BMP6: variants seen among roughly 807,000 people sequenced by gnomAD.
BMP6 encodes the protein VG-1-R.
Under a neutral mutation model 54.1 loss-of-function variants are expected in BMP6, and 17 were observed. That is an observed-to-expected ratio of 0.31 (90% CI 0.22 to 0.47). The LOEUF is 0.47. Ranked by LOEUF, BMP6 falls within the 20% of genes least tolerant of loss-of-function variation. The pLI is 1.00. For synonymous variants in BMP6, 328 were observed against 291.2 expected, an observed-to-expected ratio of 1.13 and a Z score of -1.28; for missense variants, 720 against 690.4, an observed-to-expected ratio of 1.04 and a Z score of -0.48.
rs144803838 is a variant in BMP6 at position 7,747,207 on chromosome 6, C to T, written c.664+19588C>T. ...TTTGCGGTAGGCAGGATTCCAGCCC[C>T]GTGGGCTTCGCCTCCTGGTGTTACA... On this transcript the variant is annotated intron_variant, in intron 1 of 6. Transcript: ENST00000283147. Among the ~76,000 whole-genome samples, 758 of 152,314 alleles carry T rather than the reference C, an allele frequency of 5.0e-3. 8 individuals carry two copies. Among genetic ancestry groups the T allele is most frequent in the South Asian group, 0.027 (129 of 4,826 alleles).
chr6:7,749,843 A>G (rs1457335743), intron 1 of BMP6, among the ~76,000 whole-genome samples: 1 of 152,246 alleles, frequency 6.6e-6, no homozygotes, highest in South Asian at 2.1e-4. Context: ...TTACTCCCAG[A>G]GATTTCAATT....
chr6:7,844,574 A>C (rs997302164), intron 1 of BMP6, among the ~76,000 whole-genome samples: 1 of 152,052 alleles, frequency 6.6e-6, no homozygotes, highest in Non-Finnish European at 1.5e-5. Flanking sequence ...GACCCTTTAC[A>C]CTTCAGGCCC....
chr6:7,771,695 G>GA (rs398093978), intron 1 of BMP6, among the ~76,000 whole-genome samples: 19 of 151,766 alleles, frequency 1.3e-4, no homozygotes, highest in Admixed American at 3.9e-4. Context: ...GTGTTACACA[G>GA]GGTGGTGCAG....
intron 2 of BMP6, among the ~76,000 whole-genome samples, chr6:7,859,849 C>T (rs748630816): frequency 1.3e-5 from 2 of 152,160 alleles, no homozygotes; most frequent in Non-Finnish European, 2.9e-5. Flanking sequence ...ACTGTGCCTA[C>T]TGTTTATACT....
intron 1 of BMP6, among the ~76,000 whole-genome samples, chr6:7,749,139 T>C (rs1757386911): frequency 6.6e-6 from 1 of 152,182 alleles, no homozygotes. Context: ...CCCTTGTACC[T>C]CCACCGGGGA....
At chr6:7,877,281 C>G (rs1402492249) in intron 4 of BMP6, among the ~76,000 whole-genome samples, 1 of 152,120 alleles carries the variant, frequency 6.6e-6, no homozygotes, top group Non-Finnish European at 1.5e-5. Context: ...CATCTCTTCT[C>G]CCAGTATAGG....
At chr6:7,869,261 G>A (rs571742576) in intron 4 of BMP6, among the ~76,000 whole-genome samples, 1 of 152,362 alleles carries the variant, frequency 6.6e-6, no homozygotes, top group African/African-American at 2.4e-5. Context: ...CTGGCCTCCA[G>A]TGCCAGGGAA....
chr6:7,765,934 T>C (rs1264120714), intron 1 of BMP6, among the ~76,000 whole-genome samples: 1 of 152,218 alleles, frequency 6.6e-6, no homozygotes, highest in Non-Finnish European at 1.5e-5. Context: ...CATTTCCTTC[T>C]CTGACTCTCC....
At chr6:7,808,393 G>C (rs1282220138) in intron 1 of BMP6, among the ~76,000 whole-genome samples, 2 of 152,138 alleles carry the variant, frequency 1.3e-5, no homozygotes. Context: ...ACCAGAAACT[G>C]CTCAGAGCCT....
chr6:7,848,416 T>C (rs985383274), intron 2 of BMP6, among the ~76,000 whole-genome samples: 1 of 152,220 alleles, frequency 6.6e-6, no homozygotes, highest in Non-Finnish European at 1.5e-5. Flanking sequence ...AGATACCACC[T>C]GGTCCTGAGA....
chr6:7,742,125 G>A (rs1757275216), intron 1 of BMP6, among the ~76,000 whole-genome samples: 1 of 152,226 alleles, frequency 6.6e-6, no homozygotes, highest in Non-Finnish European at 1.5e-5. Context: ...TGCTTATTAA[G>A]TTCTGTATGT....
chr6:7,818,131 T>G (rs1758557743), intron 1 of BMP6, among the ~76,000 whole-genome samples: 1 of 152,254 alleles, frequency 6.6e-6, no homozygotes, highest in African/African-American at 2.4e-5. Flanking sequence ...TACAGAGGAT[T>G]GCAGCAGATC....
chr6:7,731,216 C>T (rs1761850614), intron 1 of BMP6, among the ~76,000 whole-genome samples: 1 of 152,216 alleles, frequency 6.6e-6, no homozygotes, highest in Non-Finnish European at 1.5e-5. Context: ...TGCATTCACT[C>T]AGGGCCACAG....
chr6:7,864,990 G>T (rs922999107), intron 4 of BMP6, among the ~76,000 whole-genome samples: 1 of 152,112 alleles, frequency 6.6e-6, no homozygotes, highest in African/African-American at 2.4e-5. Flanking sequence ...GGTCAGTTTG[G>T]TGCTGGGACC....
At chr6:7,836,792 G>A (rs1467223681) in intron 1 of BMP6, among the ~76,000 whole-genome samples, 2 of 152,210 alleles carry the variant, frequency 1.3e-5, no homozygotes, top group African/African-American at 4.8e-5. Context: ...TTGGTCAAAA[G>A]TGAATTGGAA....
intron 1 of BMP6, among the ~76,000 whole-genome samples, chr6:7,819,917 C>T (rs1352030250): frequency 6.6e-6 from 1 of 152,182 alleles, no homozygotes; most frequent in Non-Finnish European, 1.5e-5. Flanking sequence ...TGTTTCTAGT[C>T]ATCTGAGAGT....
At chr6:7,813,038 G>A (rs1415432737) in intron 1 of BMP6, among the ~76,000 whole-genome samples, 2 of 130,416 alleles carry the variant, frequency 1.5e-5, no homozygotes, top group Non-Finnish European at 3.1e-5. Flanking sequence ...GGAGGCTGAG[G>A]CAGGTATTCA....
intron 1 of BMP6, among the ~76,000 whole-genome samples, chr6:7,734,298 T>A (rs1372916008): frequency 6.6e-6 from 1 of 152,264 alleles, no homozygotes; most frequent in African/African-American, 2.4e-5. Flanking sequence ...TGAAAAGTTC[T>A]CGCATATCAT....
In BMP6 at chr6:7,727,166, C is replaced by G. The variant is rs771574320; in HGVS notation, c.211C>G (p.Leu71Val). 4.5e-5 allele frequency: 71 copies of G among 1,593,216 alleles called. No individual in the cohort carries two copies. The Admixed American group carries it at 4.5e-4, about 10-fold the overall frequency. ...QSSSGFLYRRLKTQEKREMQK... is the reference protein window; with the variant it reads ...QSSSGFLYRRVKTQEKREMQK... ...CTCCTCGGGCTTCCTGTACCGGCGG[C>G]TCAAGACGCAGGAGAAGCGGGAGAT... The change falls in exon 1 of 7, where the codon CTC (leucine) becomes GTC (valine). Residue 71 changes from leucine (L) to valine (V), a missense_variant. Coordinates refer to ENST00000283147, the MANE Select transcript of BMP6 (RefSeq NM_001718.6).
Sources: allele counts gnomAD v4.1 joint callset (sites outside exome capture counted in the v4.1 genomes callset), GRCh38; gene constraint gnomAD v4.1.1; transcripts MANE v1.5; gene names NCBI Gene and HGNC (gene_info 2026-07-23, HGNC 2026-07-21).